Variants in ATP8B1 observed in about 807,000 individuals in gnomAD.
The protein encoded by ATP8B1 is phospholipid-transporting ATPase IC.
In ATP8B1, 80 loss-of-function variants were observed where a neutral mutation model predicts 149.9. That is an observed-to-expected ratio of 0.53 (90% CI 0.45 to 0.64). ATP8B1 has a LOEUF of 0.64. Ranked by LOEUF, ATP8B1 falls within the 30% of genes least tolerant of loss-of-function variation. ATP8B1 has a pLI of 0.00. For missense variants in ATP8B1, 1,247 were observed against 1,552.6 expected (o/e 0.80, Z 3.31); for synonymous variants, 536 against 562.8 (o/e 0.95, Z 0.67).
At chr18:57,775,978 T>C (rs943993942) in intron 1 of ATP8B1, among the ~76,000 whole-genome samples, 1 of 152,110 alleles carries the variant, frequency 6.6e-6, no homozygotes, top group Non-Finnish European at 1.5e-5. Context: ...ATTCATGTGC[T>C]CCATTAGTCA....
At position 57,691,918 on chromosome 18, in the gene ATP8B1, G is replaced by A. The variant is rs778993351; in HGVS notation, c.1109C>T (p.Ser370Phe). The change falls in exon 12 of 28, where the codon TCT becomes TTT. Residue 370 changes from serine to phenylalanine, a missense_variant. Ser to Phe is a radical substitution (Grantham distance 155). Coordinates refer to ENST00000648908, the MANE Select transcript of ATP8B1 (RefSeq NM_001374385.1). ...AYWEAQVGNS[S>F]WYLYDGEDDT... ...GTCTTCTCCATCATAGAGGTACCAAGAGGAATTGCCCACCTGTGCTTCCCA... is the reference window on the plus strand; with the variant it reads ...GTCTTCTCCATCATAGAGGTACCAAAAGGAATTGCCCACCTGTGCTTCCCA... 2 of 1,614,186 alleles carry A rather than the reference G, an allele frequency of 1.2e-6. No homozygotes were observed. The highest frequency in any genetic ancestry group is 1.7e-6 in the Non-Finnish European group (2 of 1,180,034).
intron 24 of ATP8B1, among the ~76,000 whole-genome samples, chr18:57,653,687 T>G (rs1026325608): frequency 2.1e-5 from 2 of 94,708 alleles, no homozygotes; most frequent in Non-Finnish European, 5.7e-5. Context: ...TTTCTCTTTT[T>G]TTTTTTTTTT....
At chr18:57,707,804 G>T (rs921943643) in intron 2 of ATP8B1, among the ~76,000 whole-genome samples, 2 of 151,676 alleles carry the variant, frequency 1.3e-5, no homozygotes, top group African/African-American at 4.8e-5. Flanking sequence ...ACTGTGCCTG[G>T]CAAAATGATG....
chr18:57,655,141 A>G, intron 23 of ATP8B1, 53 bp downstream of exon 23: 1 of 1,493,922 alleles, frequency 6.7e-7, no homozygotes, highest in South Asian at 1.1e-5. Flanking sequence ...CTAGATTTTT[A>G]TTCATTTAAG....
intron 22 of ATP8B1, among the ~76,000 whole-genome samples, chr18:57,656,468 C>A (rs1910004147): frequency 6.6e-6 from 1 of 151,210 alleles, no homozygotes; most frequent in South Asian, 2.1e-4. Flanking sequence ...TCACTGCAAC[C>A]TCTGCCTCCT....
intron 26 of ATP8B1, among the ~76,000 whole-genome samples, chr18:57,651,168 G>A (rs1341276169): frequency 3.9e-5 from 6 of 152,276 alleles, no homozygotes; most frequent in East Asian, 1.9e-4. Flanking sequence ...GTGCAGTGGC[G>A]TGATCATGGC....
chr18:57,673,630 A>T (rs1396583153), intron 16 of ATP8B1, among the ~76,000 whole-genome samples: 3 of 151,472 alleles, frequency 2.0e-5, no homozygotes, highest in African/African-American at 7.3e-5. Context: ...ATATGTGTGT[A>T]TATATATAGG....
chr18:57,684,935 C>A, intron 14 of ATP8B1, 137 bp downstream of exon 14: 2 of 1,111,222 alleles, frequency 1.8e-6, no homozygotes, highest in East Asian at 4.8e-5. Flanking sequence ...CAAGGAACAC[C>A]AAGGACTGTG....
At chr18:57,745,656 AT>A (rs11304424) in intron 1 of ATP8B1, among the ~76,000 whole-genome samples, 118,216 of 143,920 alleles carry the variant, frequency 0.82, 48,843 homozygotes, top group African/African-American at 0.92. Context: ...TGGTTTTACA[AT>A]TTTTTTTTTT....
At chr18:57,705,053 T>A (rs896836088) in intron 3 of ATP8B1, among the ~76,000 whole-genome samples, 2 of 152,086 alleles carry the variant, frequency 1.3e-5, no homozygotes, top group African/African-American at 4.8e-5. Flanking sequence ...CCAGCCTGAG[T>A]GACAGAGTGA....
At chr18:57,666,152 T>A (rs1345357957) in intron 20 of ATP8B1, among the ~76,000 whole-genome samples, 1 of 152,064 alleles carries the variant, frequency 6.6e-6, no homozygotes, top group Non-Finnish European at 1.5e-5. Context: ...TAGGGAAAAA[T>A]CTTGAGGAAC....
At chr18:57,796,557 A>G (rs1464219644) in intron 1 of ATP8B1, among the ~76,000 whole-genome samples, 2 of 152,220 alleles carry the variant, frequency 1.3e-5, no homozygotes, top group African/African-American at 4.8e-5. Flanking sequence ...GAGGACTCAC[A>G]CTTTAATTTT....
chr18:57,716,855 A>G (rs930586866), intron 2 of ATP8B1, among the ~76,000 whole-genome samples: 1 of 152,214 alleles, frequency 6.6e-6, no homozygotes, highest in African/African-American at 2.4e-5. Flanking sequence ...ATTTCATACA[A>G]CAGCTGTAGA....
intron 2 of ATP8B1, among the ~76,000 whole-genome samples, chr18:57,716,716 C>A (rs1025589355): frequency 1.3e-5 from 2 of 152,132 alleles, no homozygotes; most frequent in Non-Finnish European, 2.9e-5. Context: ...GAGTGATAGA[C>A]CCCAGTAAAA....
At position 57,773,219 on chromosome 18, in the gene ATP8B1, G is replaced by C. The variant is rs1161057404; in HGVS notation, c.-26+29779C>G. ...TCTGTCTTAAAAAAAAAAAAAAAAA[G>C]AAAAGAAAGAAATGATAACCCTGAC... On this transcript the variant is annotated intron_variant, in intron 1 of 27. Coordinates refer to ENST00000648908, the MANE Select transcript of ATP8B1 (RefSeq NM_001374385.1). Among the ~76,000 whole-genome samples the C allele has an allele frequency of 3.6e-3, 368 of 102,540 alleles. 2 individuals are homozygous for C. The highest frequency in any genetic ancestry group is 0.014 in the African/African-American group (350 of 25,328). The allele number at this position is 102,540 out of a possible 152,430, so 67.3% of individuals were successfully genotyped here. A position where few individuals can be genotyped will look rare whatever the true frequency, so the allele number is the denominator to read the frequency against.
In ATP8B1 at chr18:57,736,453, G is replaced by GTTTTTTTTTTTTTT. The variant is rs71171079; in HGVS notation, c.-25-4635_-25-4622dup. On this transcript the variant is annotated intron_variant, in intron 1 of 27. Transcript: ENST00000648908. ...TTTCTTCTAGTATAAAGTTTTACTA[G>GTTTTTTTTTTTTTT]TTTTTTTTTTTTTTTTTTTTTTTTG... 5.7e-5 allele frequency among the ~76,000 whole-genome samples: 4 copies of GTTTTTTTTTTTTTT among 70,142 alleles called. 2 individuals are homozygous for GTTTTTTTTTTTTTT. The highest frequency in any genetic ancestry group is 1.1e-4 in the Non-Finnish European group (4 of 37,394). 46.0% of individuals were successfully genotyped at this position (70,142 alleles called of 152,430 possible).
intron 6 of ATP8B1, among the ~76,000 whole-genome samples, chr18:57,699,648 G>A (rs1913015151): frequency 6.6e-6 from 1 of 152,146 alleles, no homozygotes; most frequent in Non-Finnish European, 1.5e-5. Context: ...GTGAACCCGG[G>A]AGGCGGAGCT....
In ATP8B1 at chr18:57,648,538, C is replaced by T; in HGVS notation, c.3706G>A (p.Ala1236Thr). The T allele has an allele frequency of 6.2e-7, 1 of 1,611,558 alleles. No individual in the cohort carries two copies. Among genetic ancestry groups the T allele is most frequent in the South Asian group, 1.1e-5 (1 of 91,000 alleles). ...TCCGCGGTGCCATCCGCCACGATGG[C>T]ATCAAGCGGCGAGCGCTTCTTGCGG... ...SIRKKRSPLD[A>T]IVADGTAEYR... Residue 1236 changes from alanine to threonine, a missense_variant, in exon 28 of 28, where the codon GCC becomes ACC. This residue lies in a region of ATP8B1 where 164 missense variants were observed against 160.3 expected (regional missense o/e 1.02). Transcript: ENST00000648908.
Position 57,662,045 on chromosome 18 carries a change from G to T in ATP8B1, c.2418+438C>A, listed in dbSNP as rs554790966. On this transcript the variant is annotated intron_variant, in intron 21 of 27. Coordinates refer to ENST00000648908, the MANE Select transcript of ATP8B1 (RefSeq NM_001374385.1). ...ATATATATTTTTCAATGGAGATGGG[G>T]TCTTGCTGTATAGCCTGGGTTGAAG... Among the ~76,000 whole-genome samples the T allele has an allele frequency of 4.6e-5, 7 of 152,246 alleles. No individual in the cohort carries two copies. In the South Asian group the frequency reaches 8.3e-4, roughly 18 times the overall value.
Sources: gnomAD v4.1 joint callset for allele counts (sites outside exome capture counted in the v4.1 genomes callset) on GRCh38, gnomAD v4.1.1 for gene constraint, gnomAD v4.1.1 regional missense constraint, MANE v1.5 for transcripts, NCBI Gene and HGNC (gene_info 2026-07-23, HGNC 2026-07-21) for gene names.